CA1: variants seen among roughly 807,000 people sequenced by gnomAD.
CA1 encodes the protein carbonate dehydratase I.
Under a neutral mutation model 28.8 loss-of-function variants are expected in CA1, and 27 were observed. That is an observed-to-expected ratio of 0.94 (90% CI 0.69 to 1.29). The LOEUF is 1.29. Among genes scored for constraint, CA1 ranks in the 50% most tolerant of loss-of-function variants. The probability of loss-of-function intolerance (pLI) is 0.00; values close to 1 mark genes in which losing one functional copy is unlikely to be tolerated. For synonymous variants in CA1, 121 were observed against 108.8 expected, an observed-to-expected ratio of 1.11 and a Z score of -0.70; for missense variants, 335 against 310.5, an observed-to-expected ratio of 1.08 and a Z score of -0.59.
At chr8:85,372,797 G>A (rs1436145420) in intron 1 of CA1, among the ~76,000 whole-genome samples, 8 of 152,270 alleles carry the variant, frequency 5.3e-5, no homozygotes, top group South Asian at 4.1e-4. Flanking sequence ...TGATGGGGCC[G>A]TGAATCTTCC....
intron 1 of CA1, among the ~76,000 whole-genome samples, chr8:85,377,092 T>G (rs183427301): frequency 1.3e-5 from 2 of 152,246 alleles, no homozygotes; most frequent in African/African-American, 2.4e-5. Flanking sequence ...AGATAACCTA[T>G]GAAAGATTGT....
Position 85,339,462 on chromosome 8 carries a change from C to T in CA1, c.38-1013G>A, listed in dbSNP as rs984579001. ...TAACTACTTTACTGACTGGCTATTC[C>T]CCATCTATCTCCCTCTCTGTAAGTC... On this transcript the variant is annotated intron_variant, in intron 2 of 7. Coordinates refer to ENST00000523022, the MANE Select transcript of CA1 (RefSeq NM_001128831.4). Among the ~76,000 whole-genome samples, 3 of 152,226 alleles carry T rather than the reference C, an allele frequency of 2.0e-5. No individual in the cohort carries two copies. The East Asian group carries it at 5.8e-4, about 29-fold the overall frequency.
At chr8:85,367,047 T>G (rs984497416) in intron 1 of CA1, among the ~76,000 whole-genome samples, 19 of 151,968 alleles carry the variant, frequency 1.3e-4, no homozygotes, top group Non-Finnish European at 2.5e-4. Flanking sequence ...ATTTAAAAGT[T>G]TATAAGATTT....
chr8:85,348,543 G>A (rs964109685), intron 1 of CA1, among the ~76,000 whole-genome samples: 3 of 152,086 alleles, frequency 2.0e-5, no homozygotes, highest in African/African-American at 4.8e-5. Flanking sequence ...CTCAAGGGCA[G>A]GTTTCACAGA....
At chr8:85,339,012 G>A (rs1441133581) in intron 2 of CA1, among the ~76,000 whole-genome samples, 3 of 151,714 alleles carry the variant, frequency 2.0e-5, no homozygotes, top group Non-Finnish European at 4.4e-5. Context: ...CACTGCACCC[G>A]GCCCCTTTTC....
At chr8:85,332,223 A>C in intron 6 of CA1, 1 of 325,120 alleles carries the variant, frequency 3.1e-6, no homozygotes, top group Non-Finnish European at 5.7e-6. Context: ...TTTTCAAGCA[A>C]ATTTAAATGG....
intron 1 of CA1, among the ~76,000 whole-genome samples, chr8:85,350,440 G>A (rs1046021145): frequency 6.6e-6 from 1 of 152,132 alleles, no homozygotes; most frequent in Non-Finnish European, 1.5e-5. Context: ...TAATTGCATC[G>A]CCTTGCACCT....
intron 1 of CA1, among the ~76,000 whole-genome samples, chr8:85,357,913 A>G (rs1036723231): frequency 6.6e-6 from 1 of 152,258 alleles, no homozygotes; most frequent in Non-Finnish European, 1.5e-5. Context: ...ATCTGTGGTC[A>G]TGCTTTCAAC....
intron 4 of CA1, among the ~76,000 whole-genome samples, chr8:85,336,412 G>A (rs1231373598): frequency 6.6e-6 from 1 of 152,106 alleles, no homozygotes; most frequent in Non-Finnish European, 1.5e-5. Context: ...AGATAATAAT[G>A]TCCTGAAATA....
intron 1 of CA1, among the ~76,000 whole-genome samples, chr8:85,353,211 G>A (rs1809476969): frequency 6.6e-6 from 1 of 152,200 alleles, no homozygotes; most frequent in East Asian, 1.9e-4. Context: ...CTATAGACTT[G>A]CAATTCAGCT....
chr8:85,377,802 CA>C (rs1253880823), intron 1 of CA1, among the ~76,000 whole-genome samples: 142 of 133,210 alleles, frequency 1.1e-3, no homozygotes, highest in East Asian at 1.5e-3. Flanking sequence ...GACTCTGTCT[CA>C]AAAAAAAAAA....
intron 1 of CA1, among the ~76,000 whole-genome samples, chr8:85,343,980 A>G (rs34854684): frequency 0.014 from 2,149 of 150,282 alleles, 49 homozygotes; most frequent in African/African-American, 0.049. Flanking sequence ...ACTTTCACCA[A>G]CAGTTTCCTC....
intron 1 of CA1, among the ~76,000 whole-genome samples, chr8:85,355,314 A>C (rs1809562682): frequency 6.6e-6 from 1 of 152,224 alleles, no homozygotes; most frequent in Admixed American, 6.5e-5. Context: ...CTGAAGTATG[A>C]AGGTGAATAT....
At chr8:85,371,034 C>T (rs1397392428) in intron 1 of CA1, among the ~76,000 whole-genome samples, 1 of 152,104 alleles carries the variant, frequency 6.6e-6, no homozygotes, top group Non-Finnish European at 1.5e-5. Context: ...TGAATAGCTC[C>T]CAGCTATAGT....
chr8:85,344,647 G>A (rs1809105139), intron 1 of CA1, among the ~76,000 whole-genome samples: 2 of 151,776 alleles, frequency 1.3e-5, no homozygotes, highest in South Asian at 2.1e-4. Flanking sequence ...ATTATGGTGA[G>A]TTTCAAATTT....
chr8:85,339,506 A>C (rs1282073799), intron 2 of CA1, among the ~76,000 whole-genome samples: 1 of 152,292 alleles, frequency 6.6e-6, no homozygotes, highest in Non-Finnish European at 1.5e-5. Flanking sequence ...CCCTGAGACA[A>C]GAATATTGAA....
At chr8:85,365,971 G>A (rs1809988934) in intron 1 of CA1, among the ~76,000 whole-genome samples, 1 of 152,112 alleles carries the variant, frequency 6.6e-6, no homozygotes, top group African/African-American at 2.4e-5. Flanking sequence ...GGCTCCCTGA[G>A]TGGGTGCAAT....
intron 1 of CA1, among the ~76,000 whole-genome samples, chr8:85,370,540 G>A (rs562185211): frequency 6.6e-6 from 1 of 152,088 alleles, no homozygotes; most frequent in Non-Finnish European, 1.5e-5. Flanking sequence ...TGTAGTTAGA[G>A]ATTAAAACAT....
chr8:85,333,761 G>A, intron 4 of CA1, 141 bp from the exon 5 acceptor site: 2 of 644,942 alleles, frequency 3.1e-6, no homozygotes, highest in East Asian at 5.9e-5. Context: ...CAGTGGATTA[G>A]AAGAGTTACA....
Sources: gnomAD v4.1 joint callset for allele counts (sites outside exome capture counted in the v4.1 genomes callset) on GRCh38, gnomAD v4.1.1 for gene constraint, MANE v1.5 for transcripts, NCBI Gene and HGNC (gene_info 2026-07-23, HGNC 2026-07-21) for gene names.